The following PCDHA2 variants were observed in gnomAD, a reference collection of about 807,000 sequenced individuals.
The protein encoded by PCDHA2 is protocadherin alpha 2.
PCDHA2 carries 58 observed loss-of-function variants against 66.0 expected under a neutral mutation model. The observed-to-expected ratio is 0.88, with a 90% confidence interval of 0.71 to 1.09. The LOEUF is 1.09. PCDHA2 is among the 50% of genes least tolerant of loss of function. The pLI, the probability that PCDHA2 is intolerant of heterozygous loss-of-function variation, is 0.00. For missense variants in PCDHA2, 1,267 were observed against 1,242.3 expected (o/e 1.02, Z -0.30); for synonymous variants, 634 against 554.0 (o/e 1.14, Z -2.03).
intron 1 of PCDHA2, 173 bp downstream of exon 1, chr5:140,797,525 T>A: frequency 1.3e-6 from 1 of 797,290 alleles, no homozygotes; most frequent in Non-Finnish European, 2.0e-6. Context: ...ACAATTTATT[T>A]AAACAATCTA....
intron 2 of PCDHA2, among the ~76,000 whole-genome samples, chr5:140,980,255 C>T (rs782489996): frequency 2.0e-4 from 31 of 152,210 alleles, no homozygotes; most frequent in Middle Eastern, 3.2e-3. Flanking sequence ...TGGGTAAAAG[C>T]ATGGTTTACA....
At position 140,857,846 on chromosome 5, in the gene PCDHA2, T is replaced by C. The variant is rs782107328; in HGVS notation, c.2388+60494T>C. 6.3e-6 allele frequency: 10 copies of C among 1,597,716 alleles called. 1 individual carries two copies. Among genetic ancestry groups the C allele is most frequent in the Non-Finnish European group, 8.6e-6 (10 of 1,167,514 alleles). ...TAAGGTGCGCGCAGTGGACGCTGAC[T>C]CTGGATACAACGCGTGGCTGTCGTA... is the stretch of plus-strand genomic sequence containing the variant. On this transcript the variant is annotated intron_variant, in intron 1 of 3. Coordinates refer to ENST00000526136, the MANE Select transcript of PCDHA2 (RefSeq NM_018905.3).
chr5:140,959,031 G>A (rs1554223798), intron 1 of PCDHA2, among the ~76,000 whole-genome samples: 1 of 151,806 alleles, frequency 6.6e-6, no homozygotes, highest in Non-Finnish European at 1.5e-5. Flanking sequence ...CTTTATCATG[G>A]GTATGTATGT....
intron 1 of PCDHA2, among the ~76,000 whole-genome samples, chr5:140,971,962 T>C (rs1392143830): frequency 6.6e-6 from 1 of 152,150 alleles, no homozygotes; most frequent in Non-Finnish European, 1.5e-5. Context: ...CAAAAACTTT[T>C]TTTCAATACT....
chr5:140,863,356 C>T (rs1554158132), intron 1 of PCDHA2: 1 of 1,255,152 alleles, frequency 8.0e-7, no homozygotes, highest in Non-Finnish European at 1.1e-6. Flanking sequence ...CACGACGCTG[C>T]GGTGCTTGGC....
At chr5:140,982,447 C>G (rs782801484) in intron 2 of PCDHA2, 28 bp from the exon 3 acceptor site, 1 of 1,613,782 alleles carries the variant, frequency 6.2e-7, no homozygotes, top group South Asian at 1.1e-5. Flanking sequence ...ATGATCTAAC[C>G]GTTATCTGGG....
rs782081459 is a variant in PCDHA2, at chr5:140,797,320, A to G, written c.2356A>G (p.Lys786Glu). Residue 786 changes from lysine (K) to glutamate (E), a missense_variant, in exon 1 of 4, where the codon AAA becomes GAA. By Grantham distance (56) the Lys-to-Glu change is moderately conservative (BLOSUM62 1). Coordinates refer to ENST00000526136, the MANE Select transcript of PCDHA2 (RefSeq NM_018905.3). ...TCAAGGTCCAGACTCCGCAGAAGAG[A>G]AACAGCTCTCAGAATCAGAATACGT... ...LSQGPDSAEE[K>E]QLSESEYVGK... 3 of 1,614,212 alleles carry G rather than the reference A, an allele frequency of 1.9e-6. No individual in the cohort carries two copies. Among genetic ancestry groups the G allele is most frequent in the African/African-American group, 2.7e-5 (2 of 75,068 alleles).
chr5:140,829,466 G>T lies in PCDHA2; in HGVS notation c.2388+32114G>T, dbSNP rs2150168443. The T allele has an allele frequency of 1.9e-6, 3 of 1,613,882 alleles. No homozygotes were observed. The South Asian group carries it at 3.3e-5, about 18-fold the overall frequency. ...CAATGCTCCGGCGTTCGCGCAGCCC[G>T]AGTACACAGTGTTCGTGAAGGAGAA... On this transcript the variant is annotated intron_variant, in intron 1 of 3. Coordinates refer to ENST00000526136, the MANE Select transcript of PCDHA2 (RefSeq NM_018905.3).
At chr5:140,907,239 C>T (rs1447900433) in intron 1 of PCDHA2, among the ~76,000 whole-genome samples, 1 of 152,200 alleles carries the variant, frequency 6.6e-6, no homozygotes, top group Non-Finnish European at 1.5e-5. Context: ...ACCTAGTTGA[C>T]ATTGTAATTG....
At position 141,011,322 on chromosome 5, in the gene PCDHA2, C is replaced by T. The variant is rs1210973958; in HGVS notation, c.*1385C>T. The T allele has an allele frequency of 2.0e-5, 3 of 153,698 alleles. No individual in the cohort carries two copies. The highest frequency in any genetic ancestry group is 7.2e-5 in the African/African-American group (3 of 41,430). The allele number at this position is 153,698 out of a possible 1,614,324, so 9.5% of individuals were successfully genotyped here. On this transcript the variant is annotated 3_prime_UTR_variant, in exon 4 of 4. Coordinates refer to ENST00000526136, the MANE Select transcript of PCDHA2 (RefSeq NM_018905.3). Reference sequence around the variant, plus strand: ...CTCTGAATTGCTAATCTTACTAACACCTATGATGTTACCTGAAATCAATCT... The same window carrying T: ...CTCTGAATTGCTAATCTTACTAACATCTATGATGTTACCTGAAATCAATCT...
At chr5:140,893,881 C>T (rs1385683702) in intron 1 of PCDHA2, among the ~76,000 whole-genome samples, 1 of 152,066 alleles carries the variant, frequency 6.6e-6, no homozygotes, top group Non-Finnish European at 1.5e-5. Flanking sequence ...TCCAAAGTGG[C>T]CAGAAAGTTA....
At chr5:140,923,480 C>G (rs1554201462) in intron 1 of PCDHA2, among the ~76,000 whole-genome samples, 1 of 152,064 alleles carries the variant, frequency 6.6e-6, no homozygotes, top group African/African-American at 2.4e-5. Context: ...AGTGAGCCAT[C>G]TTCACACCAC....
intron 3 of PCDHA2, among the ~76,000 whole-genome samples, chr5:140,999,980 C>A (rs1386394350): frequency 6.6e-6 from 1 of 152,076 alleles, no homozygotes; most frequent in Non-Finnish European, 1.5e-5. Context: ...GCTCTAGCGG[C>A]CTCTGGGTAG....
Position 140,871,457 on chromosome 5 carries a change from G to A in PCDHA2, c.2388+74105G>A, listed in dbSNP as rs1562665046. 8.1e-6 allele frequency: 13 copies of A among 1,605,570 alleles called. No individual in the cohort carries two copies. The highest frequency in any genetic ancestry group is 1.1e-5 in the Non-Finnish European group (13 of 1,175,480). The stretch of plus-strand genomic sequence containing the variant: ...CTAGGTCTGAATAAAGAGGAGGAAG[G>A]GGAAAGACAGGAGCCAGGGTCAAAT... On this transcript the variant is annotated intron_variant, in intron 1 of 3. Transcript: ENST00000526136.
intron 3 of PCDHA2, among the ~76,000 whole-genome samples, chr5:141,002,270 G>T (rs1304168184): frequency 6.6e-6 from 1 of 152,172 alleles, no homozygotes; most frequent in Non-Finnish European, 1.5e-5. Context: ...CCCAGAGCTG[G>T]TAACAAAGGG....
At chr5:140,963,198 A>G (rs2095745338) in intron 1 of PCDHA2, among the ~76,000 whole-genome samples, 1 of 151,784 alleles carries the variant, frequency 6.6e-6, no homozygotes, top group South Asian at 2.1e-4. Context: ...GTGAAAATGA[A>G]AAAAAAAACC....
intron 1 of PCDHA2, chr5:140,835,707 T>C: frequency 6.2e-7 from 1 of 1,613,858 alleles, no homozygotes; most frequent in Non-Finnish European, 8.5e-7. Context: ...TGCTAGCGTG[T>C]CCGTGGAGGT....
At chr5:140,978,672 G>C (rs2096816199) in intron 1 of PCDHA2, among the ~76,000 whole-genome samples, 1 of 152,256 alleles carries the variant, frequency 6.6e-6, no homozygotes, top group African/African-American at 2.4e-5. Context: ...TAAGAACACA[G>C]ACATGTATTG....
intron 1 of PCDHA2, among the ~76,000 whole-genome samples, chr5:140,799,640 A>G (rs1263629869): frequency 6.6e-6 from 1 of 152,088 alleles, no homozygotes; most frequent in Non-Finnish European, 1.5e-5. Context: ...TCAAAATATT[A>G]ATTTATTTAT....
Sources: allele counts gnomAD v4.1 joint callset (sites outside exome capture counted in the v4.1 genomes callset), GRCh38; gene constraint gnomAD v4.1.1; transcripts MANE v1.5; gene names NCBI Gene and HGNC (gene_info 2026-07-23, HGNC 2026-07-21).